TMEM40: variants seen among roughly 807,000 people sequenced by gnomAD.
The protein encoded by TMEM40 is transmembrane protein 40.
In TMEM40, 34 loss-of-function variants were observed where a neutral mutation model predicts 40.8. That is an observed-to-expected ratio of 0.83 (90% CI 0.63 to 1.11). The LOEUF (loss-of-function observed/expected upper bound fraction) is 1.11. Among genes scored for constraint, TMEM40 ranks in the 50% least tolerant of loss-of-function variants. The pLI is 0.00. For missense variants in TMEM40, 296 were observed against 280.2 expected (o/e 1.06, Z -0.40); for synonymous variants, 106 against 107.0 (o/e 0.99, Z 0.06).
intron 1 of TMEM40, among the ~76,000 whole-genome samples, chr3:12,753,211 C>CTTTTTTTTTT (rs56739791): frequency 5.1e-4 from 39 of 76,294 alleles, no homozygotes; most frequent in East Asian, 7.7e-4. Flanking sequence ...TTCTTTCTTT[C>CTTTTTTTTTT]TTTTTTTTTT....
rs1269040654 is a variant in TMEM40 at position 12,737,729 on chromosome 3, T to G, written c.450A>C (p.Arg150Ser). 1 of 1,614,108 alleles carries G rather than the reference T, an allele frequency of 6.2e-7. No individual in the cohort carries two copies. ...TACCATCTTTCTTTATATTCAGTCT[T>G]CTTAACTGAGAGGCCTCCACTTCTC... ...ASGEVEASQL[R>S]RLNIKKDDEF... The change falls in exon 8 of 12, where the codon AGA becomes AGC. Residue 150 changes from arginine to serine, a missense_variant. Transcript: ENST00000314124.
At chr3:12,768,567 C>G (rs1267358090) in intron 1 of TMEM40, among the ~76,000 whole-genome samples, 2 of 151,910 alleles carry the variant, frequency 1.3e-5, no homozygotes, top group African/African-American at 4.8e-5. Context: ...TACAGAGTGC[C>G]GACTGGTGCA....
At chr3:12,737,607 G>T in intron 8 of TMEM40, 100 bp downstream of exon 8, 1 of 1,068,878 alleles carries the variant, frequency 9.4e-7, no homozygotes, top group South Asian at 1.3e-5. Context: ...CACGACAGAG[G>T]TGGGCTATGA....
At chr3:12,751,375 G>A (rs1302622054) in intron 1 of TMEM40, among the ~76,000 whole-genome samples, 1 of 150,794 alleles carries the variant, frequency 6.6e-6, no homozygotes, top group Admixed American at 6.6e-5. Flanking sequence ...TCTGCCTCCC[G>A]GATTCAAGTG....
At chr3:12,769,257 G>A (rs1300375832) in exon 1 of TMEM40, 1 of 412,770 alleles carries the variant, frequency 2.4e-6, no homozygotes. Context: ...ATACCTCCCG[G>A]AAGGCTGAGG....
chr3:12,744,045 T>C (rs2061407379), intron 3 of TMEM40, 56 bp from the exon 4 acceptor site: 1 of 1,552,488 alleles, frequency 6.4e-7, no homozygotes, highest in Non-Finnish European at 8.8e-7. Flanking sequence ...AAGCTGGGAA[T>C]GCGTTCATTC....
In TMEM40 at chr3:12,768,989, A is replaced by G. The variant is rs1277490539; in HGVS notation, c.-9+262T>C. ...GCCTGGCGAGGCACAGGCAAGGCGC[A>G]CTGCAGGTCCTGATCCCTGCCTCTC... On this transcript the variant is annotated intron_variant, in intron 1 of 11. Transcript: ENST00000264728. Among the ~76,000 whole-genome samples the G allele has an allele frequency of 5.3e-5, 8 of 150,934 alleles. No homozygotes were observed. In the South Asian group the frequency reaches 1.5e-3, roughly 28 times the overall value.
In TMEM40 at chr3:12,759,077, C is replaced by T. The variant is rs559993436; in HGVS notation, c.-9+114G>A. ...GAAGATGCAGAGCTGGGACTCAAAC[C>T]CAGGTCCACCAAGGAACCACACAAT... On this transcript the variant is annotated intron_variant, in intron 1 of 11. Transcript: ENST00000314124. 6 of 152,274 alleles carry T rather than the reference C, an allele frequency of 3.9e-5. No individual in the cohort carries two copies. The East Asian group carries it at 1.2e-3, about 29-fold the overall frequency. The allele number at this position is 152,274 out of a possible 1,614,324, so 9.4% of individuals were successfully genotyped here. A position where few individuals can be genotyped will look rare whatever the true frequency, so the allele number is the denominator to read the frequency against.
At chr3:12,744,870 G>A (rs1021719580) in intron 3 of TMEM40, among the ~76,000 whole-genome samples, 2 of 152,182 alleles carry the variant, frequency 1.3e-5, no homozygotes, top group African/African-American at 4.8e-5. Context: ...TGGATAAGGA[G>A]GAAGAGGGAT....
chr3:12,747,630 C>T (rs1559529122), intron 3 of TMEM40, among the ~76,000 whole-genome samples: 1 of 152,200 alleles, frequency 6.6e-6, no homozygotes, highest in East Asian at 1.9e-4. Flanking sequence ...TTATTGGAGG[C>T]CAGGCACAGT....
At chr3:12,759,886 C>T (rs1340155452), upstream of TMEM40, among the ~76,000 whole-genome samples, 1 of 152,152 alleles carries the variant, frequency 6.6e-6, no homozygotes, top group Non-Finnish European at 1.5e-5. Context: ...CTCAGCTTGC[C>T]TCCACCTCTC....
intron 1 of TMEM40, among the ~76,000 whole-genome samples, chr3:12,751,268 C>T (rs1161611580): frequency 2.4e-5 from 3 of 125,776 alleles, no homozygotes; most frequent in African/African-American, 8.2e-5. Flanking sequence ...AGGCCCCAGA[C>T]TCCATTACCC....
intron 1 of TMEM40, among the ~76,000 whole-genome samples, chr3:12,768,943 C>CG (rs201270035): frequency 0.11 from 156 of 1,446 alleles, no homozygotes; most frequent in Non-Finnish European, 0.18. Flanking sequence ...GCGGGGGGGG[C>CG]GGGGGGGGCG....
chr3:12,756,981 G>C (rs1161339603), intron 1 of TMEM40, among the ~76,000 whole-genome samples: 2 of 151,984 alleles, frequency 1.3e-5, no homozygotes, highest in Non-Finnish European at 2.9e-5. Flanking sequence ...TTCAGTTCCC[G>C]CCTCTACCCC....
chr3:12,734,600 C>A lies in TMEM40; in HGVS notation c.*174G>T. ...ACAGCAGTACTGCCCAAATGAGATG[C>A]CCCTGCCCGGGCTGGTGCCAACATT... On this transcript the variant is annotated 3_prime_UTR_variant, in exon 12 of 12. Transcript: ENST00000314124. 1 of 726,188 alleles carries A rather than the reference C, an allele frequency of 1.4e-6. No homozygotes were observed. The highest frequency in any genetic ancestry group is 1.8e-5 in the South Asian group (1 of 56,226). 45.0% of individuals were successfully genotyped at this position (726,188 alleles called of 1,614,324 possible).
intron 1 of TMEM40, among the ~76,000 whole-genome samples, chr3:12,754,288 G>A (rs1181344716): frequency 6.6e-6 from 1 of 152,056 alleles, no homozygotes; most frequent in Non-Finnish European, 1.5e-5. Context: ...CTCCAGCCTG[G>A]GCGACAGAGC....
chr3:12,742,567 C>A (rs772663102), intron 4 of TMEM40, 60 bp from the exon 5 acceptor site: 1 of 1,584,380 alleles, frequency 6.3e-7, no homozygotes, highest in Admixed American at 1.7e-5. Flanking sequence ...AGGCCACTTC[C>A]CTCTCCCATG....
chr3:12,736,724 G>A (rs777695153), intron 9 of TMEM40, 40 bp downstream of exon 9: 2 of 1,613,596 alleles, frequency 1.2e-6, no homozygotes, highest in South Asian at 2.2e-5. Context: ...ACCACCCCAT[G>A]CCATCCCCCT....
chr3:12,755,822 C>T (rs914247173), intron 1 of TMEM40, among the ~76,000 whole-genome samples: 2 of 152,124 alleles, frequency 1.3e-5, no homozygotes, highest in African/African-American at 2.4e-5. Flanking sequence ...AGACTATTGC[C>T]ATATATTGTG....
Sources: gnomAD v4.1 joint callset for allele counts (sites outside exome capture counted in the v4.1 genomes callset) on GRCh38, gnomAD v4.1.1 for gene constraint, MANE v1.5 for transcripts, NCBI Gene and HGNC (gene_info 2026-07-23, HGNC 2026-07-21) for gene names.